NAV3: variants seen among roughly 807,000 people sequenced by gnomAD.
NAV3 encodes the protein pore membrane and/or filament interacting like protein 1.
In NAV3, 87 loss-of-function variants were observed where a neutral mutation model predicts 244.7. The ratio of observed to expected loss-of-function variants is 0.36; its 90% CI spans 0.30 to 0.42. NAV3 has a LOEUF of 0.42. NAV3 is among the 20% of genes least tolerant of loss of function. The pLI is 1.00. For synonymous variants in NAV3, 1,126 were observed against 1,042.2 expected (o/e 1.08, Z -1.55); for missense variants, 2,663 against 2,893.3 (o/e 0.92, Z 1.83).
intron 2 of NAV3, among the ~76,000 whole-genome samples, chr12:77,711,987 C>T (rs1329267562): frequency 6.6e-6 from 1 of 152,182 alleles, no homozygotes; most frequent in East Asian, 1.9e-4. Flanking sequence ...AAACCCACAA[C>T]TTCATAAAAA....
chr12:77,731,326 TAG>T (rs1165353039), intron 2 of NAV3, among the ~76,000 whole-genome samples: 2 of 151,978 alleles, frequency 1.3e-5, no homozygotes, highest in Admixed American at 1.3e-4. Context: ...TGTTCTATTG[TAG>T]AGAGTTATAG....
At chr12:77,578,852 C>T (rs696438) in intron 2 of NAV3, among the ~76,000 whole-genome samples, 85,497 of 151,572 alleles carry the variant, frequency 0.56, 24,468 homozygotes, top group Middle Eastern at 0.75. Context: ...AAGCAGCTGC[C>T]GACAGAGCTG....
chr12:77,600,977 A>G (rs1048128711), intron 2 of NAV3, among the ~76,000 whole-genome samples: 1 of 152,004 alleles, frequency 6.6e-6, no homozygotes, highest in Non-Finnish European at 1.5e-5. Flanking sequence ...AAGAAGATAC[A>G]AATTATCAGC....
rs1038146533 is a variant in NAV3, at chr12:77,588,241, G to A, written c.72+15975G>A. Among the ~76,000 whole-genome samples, 13 of 152,128 alleles carry A rather than the reference G, an allele frequency of 8.5e-5. No individual in the cohort carries two copies. The East Asian group carries it at 2.3e-3, about 27-fold the overall frequency. On this transcript the variant is annotated intron_variant, in intron 2 of 8. Transcript: ENST00000550042. ...CAAGTAATCTGCCTCAGTCTCCTGAGTAGCTGGGACTACAGGTGCACACCA... is the reference window on the plus strand; with the variant it reads ...CAAGTAATCTGCCTCAGTCTCCTGAATAGCTGGGACTACAGGTGCACACCA...
chr12:77,669,294 A>G (rs562541585), intron 2 of NAV3, among the ~76,000 whole-genome samples: 8 of 152,296 alleles, frequency 5.3e-5, no homozygotes, highest in Non-Finnish European at 8.8e-5. Context: ...CAATGAAGAA[A>G]AAAACAACGT....
intron 1 of NAV3, among the ~76,000 whole-genome samples, chr12:77,842,931 T>C (rs1405998299): frequency 6.6e-6 from 1 of 152,200 alleles, no homozygotes; most frequent in African/African-American, 2.4e-5. Flanking sequence ...GTTAAATTGC[T>C]CACTTTTTAG....
At chr12:77,979,712 G>GC (rs1869196998) in intron 5 of NAV3, among the ~76,000 whole-genome samples, 2 of 121,648 alleles carry the variant, frequency 1.6e-5, no homozygotes, top group Admixed American at 1.8e-4. Context: ...AAAAAAAAAA[G>GC]AAAAAAAAAA....
At chr12:77,654,794 G>C (rs536266627) in intron 2 of NAV3, among the ~76,000 whole-genome samples, 1 of 150,240 alleles carries the variant, frequency 6.7e-6, no homozygotes, top group Admixed American at 6.6e-5. Flanking sequence ...GCATATTCGC[G>C]GTTCATGAAA....
chr12:77,994,407 T>C (rs886238281), intron 5 of NAV3, among the ~76,000 whole-genome samples: 3 of 152,240 alleles, frequency 2.0e-5, no homozygotes, highest in Admixed American at 6.5e-5. Flanking sequence ...ACTCTTCTTT[T>C]ACATTTTAAA....
chr12:78,193,904 T>A (rs529439793), intron 34 of NAV3, among the ~76,000 whole-genome samples: 1 of 152,124 alleles, frequency 6.6e-6, no homozygotes. Context: ...CTCCCCACTC[T>A]CTCTCTCTCT....
intron 1 of NAV3, among the ~76,000 whole-genome samples, chr12:77,930,933 G>A (rs1888719880): frequency 6.6e-6 from 1 of 152,024 alleles, no homozygotes; most frequent in Admixed American, 6.6e-5. Context: ...CTGATCCTTT[G>A]AAGGTAACTT....
At chr12:77,648,691 T>A (rs1872700904) in intron 2 of NAV3, among the ~76,000 whole-genome samples, 1 of 152,264 alleles carries the variant, frequency 6.6e-6, no homozygotes, top group South Asian at 2.1e-4. Flanking sequence ...CAATTTATTT[T>A]ATTTGCTTGA....
intron 27 of NAV3, 54 bp from the exon 28 acceptor site, chr12:78,177,566 A>T (rs1217985555): frequency 3.1e-5 from 47 of 1,499,036 alleles, no homozygotes; most frequent in Middle Eastern, 3.4e-4. Flanking sequence ...CATGATTCTC[A>T]CTTCTTTTCA....
rs555505281 is a variant in NAV3 at position 77,632,953 on chromosome 12, C to T, written c.72+60687C>T. 2.6e-5 allele frequency among the ~76,000 whole-genome samples: 4 copies of T among 152,160 alleles called. No individual in the cohort carries two copies. In the East Asian group the frequency reaches 7.7e-4, roughly 29 times the overall value. On this transcript the variant is annotated intron_variant, in intron 2 of 8. Coordinates refer to the NAV3 transcript ENST00000550042. ...AATGTTAACTATTATTGCAACTGGT[C>T]TTCTCTTTCATATAACACTGACTTG...
At chr12:78,110,076 G>T (rs902320616) in intron 12 of NAV3, among the ~76,000 whole-genome samples, 1 of 151,908 alleles carries the variant, frequency 6.6e-6, no homozygotes, top group Non-Finnish European at 1.5e-5. Flanking sequence ...TCTTAGATTT[G>T]ATTAATTAAT....
chr12:77,747,097 T>A (rs1868584999), intron 2 of NAV3, among the ~76,000 whole-genome samples: 1 of 152,192 alleles, frequency 6.6e-6, no homozygotes, highest in African/African-American at 2.4e-5. Flanking sequence ...AATGTACATT[T>A]ACGTAACAAT....
At chr12:77,868,899 G>A (rs972363827) in intron 1 of NAV3, among the ~76,000 whole-genome samples, 5 of 151,700 alleles carry the variant, frequency 3.3e-5, no homozygotes, top group Admixed American at 1.3e-4. Context: ...GTGAAACCCC[G>A]TCTCTACTAA....
intron 16 of NAV3, 94 bp downstream of exon 16, chr12:78,122,522 A>T (rs2138713460): frequency 7.7e-6 from 11 of 1,433,274 alleles, no homozygotes; most frequent in Non-Finnish European, 1.0e-5. Flanking sequence ...TTTCACTGTG[A>T]GTGCCCCGGT....
At position 77,976,617 on chromosome 12, in the gene NAV3, C is replaced by T. The variant is rs547114080; in HGVS notation, c.671+7915C>T. Among the ~76,000 whole-genome samples the T allele has an allele frequency of 4.1e-4, 62 of 150,754 alleles. No individual in the cohort carries two copies. In the Middle Eastern group the frequency reaches 0.021, roughly 50 times the overall value. ...CATACATTTACTGTCTCAATCCTCA[C>T]GGCAATCCTATGATGTGTATACTGT... On this transcript the variant is annotated intron_variant, in intron 5 of 39. Coordinates refer to ENST00000397909, the MANE Select transcript of NAV3 (RefSeq NM_001024383.2).
Sources: allele counts gnomAD v4.1 joint callset (sites outside exome capture counted in the v4.1 genomes callset), GRCh38; gene constraint gnomAD v4.1.1; transcripts MANE v1.5; gene names NCBI Gene and HGNC (gene_info 2026-07-23, HGNC 2026-07-21).